Variants in MITF observed in about 807,000 individuals in gnomAD.
MITF encodes melanocyte inducing transcription factor.
In MITF, 17 loss-of-function variants were observed where a neutral mutation model predicts 60.5. That is an observed-to-expected ratio of 0.28 (90% confidence interval 0.19 to 0.42). MITF has a LOEUF of 0.42. Ranked by LOEUF, MITF falls within the 10% of genes least tolerant of loss-of-function variation. The pLI is 1.00. For synonymous variants in MITF, 260 were observed against 248.5 expected (o/e 1.05, Z -0.43); for missense variants, 622 against 683.5 (o/e 0.91, Z 1.00).
intron 2 of MITF, among the ~76,000 whole-genome samples, chr3:69,884,335 G>A (rs78942385): frequency 0.026 from 3,887 of 152,148 alleles, 153 homozygotes; most frequent in African/African-American, 0.086. Context: ...GAAGAAATAT[G>A]TTAGTCACTT....
At chr3:69,959,461 G>T in intron 9 of MITF, 41 bp downstream of exon 9, 1 of 1,611,432 alleles carries the variant, frequency 6.2e-7, no homozygotes, top group Non-Finnish European at 8.5e-7. Flanking sequence ...GCTTTTTACC[G>T]ACTTCAAGAC....
intron 1 of MITF, among the ~76,000 whole-genome samples, chr3:69,759,224 A>G (rs2062175787): frequency 6.6e-6 from 1 of 152,180 alleles, no homozygotes; most frequent in African/African-American, 2.4e-5. Flanking sequence ...TATTTAATAT[A>G]TATTGTTGAT....
In MITF at chr3:69,937,861, C is replaced by A. The variant is rs201297175; in HGVS notation, c.394C>A (p.Gln132Lys). ...HLENPTKYHI[Q>K]QAQRQQVKQY... ...CGAAAACCCCACCAAGTACCACATA[C>A]AGCAAGCCCAACGGCAGCAGGTAAA... is the stretch of plus-strand genomic sequence containing the variant. Residue 132 changes from glutamine to lysine, a missense_variant, in exon 3 of 10, where the codon CAG becomes AAG. By Grantham distance (53) the Gln-to-Lys change is moderately conservative (BLOSUM62 1). This residue lies in a region of MITF where 215 missense variants were observed against 224.8 expected (regional missense o/e 0.96). Coordinates refer to ENST00000352241, the MANE Select transcript of MITF (RefSeq NM_001354604.2). The A allele has an allele frequency of 1.3e-4, 203 of 1,613,992 alleles. No individual in the cohort carries two copies. Among genetic ancestry groups the A allele is most frequent in the Non-Finnish European group, 1.6e-4 (194 of 1,180,002 alleles).
chr3:69,935,774 A>G (rs1004398414), intron 2 of MITF, among the ~76,000 whole-genome samples: 1 of 152,206 alleles, frequency 6.6e-6, no homozygotes, highest in Non-Finnish European at 1.5e-5. Context: ...GCTGGAAACT[A>G]TATCTGTTTG....
intron 1 of MITF, among the ~76,000 whole-genome samples, chr3:69,787,172 G>A (rs1415910325): frequency 6.6e-6 from 1 of 152,184 alleles, no homozygotes; most frequent in Non-Finnish European, 1.5e-5. Flanking sequence ...TTCCATTCAT[G>A]AGCCAGTGCA....
intron 2 of MITF, among the ~76,000 whole-genome samples, chr3:69,922,718 C>A (rs1021993087): frequency 3.9e-5 from 6 of 152,158 alleles, no homozygotes; most frequent in African/African-American, 1.4e-4. Context: ...AGTATTTTAA[C>A]CTTTCCTTTA....
intron 5 of MITF, among the ~76,000 whole-genome samples, chr3:69,943,692 T>G (rs961394205): frequency 6.6e-6 from 1 of 152,286 alleles, no homozygotes; most frequent in South Asian, 2.1e-4. Flanking sequence ...AGTAAATAAC[T>G]CTGTAAATTG....
chr3:69,765,612 G>A (rs1177074506), intron 1 of MITF, among the ~76,000 whole-genome samples: 1 of 152,168 alleles, frequency 6.6e-6, no homozygotes, highest in East Asian at 1.9e-4. Context: ...AAGCTCATAT[G>A]TGCTGGAATA....
intron 2 of MITF, among the ~76,000 whole-genome samples, chr3:69,935,017 C>T (rs756786036): frequency 6.6e-6 from 1 of 152,166 alleles, no homozygotes; most frequent in Non-Finnish European, 1.5e-5. Flanking sequence ...CCACAATCAG[C>T]TGCAGTTTTT....
At chr3:69,827,319 A>G (rs987596523) in intron 1 of MITF, among the ~76,000 whole-genome samples, 3 of 152,216 alleles carry the variant, frequency 2.0e-5, no homozygotes, top group African/African-American at 7.2e-5. Context: ...GCAGAGGCTA[A>G]GTTTTGCTGC....
chr3:69,817,603 G>A (rs2063201565), intron 1 of MITF, among the ~76,000 whole-genome samples: 1 of 151,728 alleles, frequency 6.6e-6, no homozygotes, highest in African/African-American at 2.4e-5. Context: ...GAGATGGGAG[G>A]GAGAGCAGGC....
At chr3:69,809,260 T>C (rs1213243460) in intron 1 of MITF, among the ~76,000 whole-genome samples, 1 of 151,154 alleles carries the variant, frequency 6.6e-6, no homozygotes, top group Non-Finnish European at 1.5e-5. Context: ...GAGTACAGAG[T>C]TTTAAGTTGT....
At chr3:69,885,244 A>G (rs891344193) in intron 2 of MITF, among the ~76,000 whole-genome samples, 9 of 152,076 alleles carry the variant, frequency 5.9e-5, no homozygotes, top group Non-Finnish European at 1.2e-4. Flanking sequence ...CTTTGCAATC[A>G]CTGAATTCAT....
At chr3:69,927,012 T>G (rs1268034541) in intron 2 of MITF, among the ~76,000 whole-genome samples, 2 of 152,160 alleles carry the variant, frequency 1.3e-5, no homozygotes, top group Non-Finnish European at 2.9e-5. Flanking sequence ...TTGTTTAAAT[T>G]ACAAAATCAG....
chr3:69,753,188 G>A (rs1008311845), intron 1 of MITF, among the ~76,000 whole-genome samples: 1 of 152,184 alleles, frequency 6.6e-6, no homozygotes, highest in Non-Finnish European at 1.5e-5. Flanking sequence ...GGCTCATAGA[G>A]GCCCAGGTTA....
chr3:69,788,518 G>A (rs1046842718), intron 1 of MITF, among the ~76,000 whole-genome samples: 3 of 152,102 alleles, frequency 2.0e-5, no homozygotes, highest in Admixed American at 6.6e-5. Context: ...TTCTTCTGCA[G>A]TTAGTGCTTC....
At chr3:69,907,709 T>C (rs1208027506) in intron 2 of MITF, among the ~76,000 whole-genome samples, 1 of 152,162 alleles carries the variant, frequency 6.6e-6, no homozygotes, top group Non-Finnish European at 1.5e-5. Context: ...TACCTAAGCT[T>C]AGATCATTGG....
chr3:69,933,820 G>C (rs1250646572), intron 2 of MITF, among the ~76,000 whole-genome samples: 1 of 152,092 alleles, frequency 6.6e-6, no homozygotes, highest in Non-Finnish European at 1.5e-5. Context: ...CCTCTTTAAT[G>C]CTACATATAT....
intron 1 of MITF, among the ~76,000 whole-genome samples, chr3:69,848,636 GACTA>G (rs765072792): frequency 3.7e-4 from 56 of 152,294 alleles, no homozygotes; most frequent in Non-Finnish European, 5.3e-4. Context: ...TGGTGACAAA[GACTA>G]ACTGAGTGCA....
Sources: gnomAD v4.1 joint callset for allele counts (sites outside exome capture counted in the v4.1 genomes callset) on GRCh38, gnomAD v4.1.1 for gene constraint, gnomAD v4.1.1 regional missense constraint, MANE v1.5 for transcripts, NCBI Gene and HGNC (gene_info 2026-07-23, HGNC 2026-07-21) for gene names.